GRM7: variants seen among roughly 807,000 people sequenced by gnomAD.
GRM7 encodes glutamate metabotropic receptor 7, also known as metabotropic glutamate receptor 7.
GRM7 carries 35 observed loss-of-function variants against 84.5 expected under a neutral mutation model. The observed-to-expected ratio is 0.41, with a 90% CI of 0.32 to 0.55. GRM7 has a LOEUF of 0.55. Among genes scored for constraint, GRM7 ranks in the 20% least tolerant of loss-of-function variants. GRM7 has a pLI of 0.19. For missense variants in GRM7, 1,003 were observed against 1,194.6 expected, an observed-to-expected ratio of 0.84 and a Z score of 2.36; for synonymous variants, 487 against 455.1, an observed-to-expected ratio of 1.07 and a Z score of -0.89.
chr3:7,100,402 T>A (rs1046153907), intron 1 of GRM7, among the ~76,000 whole-genome samples: 10 of 151,704 alleles, frequency 6.6e-5, no homozygotes, highest in African/African-American at 1.2e-4. Flanking sequence ...GGCTAACTTA[T>A]TTTTTCCTCC....
chr3:7,593,317 A>G (rs1695880154), intron 8 of GRM7, among the ~76,000 whole-genome samples: 1 of 152,128 alleles, frequency 6.6e-6, no homozygotes, highest in Admixed American at 6.6e-5. Flanking sequence ...CCAGTTTCAA[A>G]CATTTATTGA....
At chr3:6,932,016 A>G (rs1193252855) in intron 1 of GRM7, among the ~76,000 whole-genome samples, 1 of 152,236 alleles carries the variant, frequency 6.6e-6, no homozygotes, top group African/African-American at 2.4e-5. Context: ...GTGTAGAGAT[A>G]GCATCACAGA....
At chr3:7,293,034 C>CA (rs142561309) in intron 2 of GRM7, among the ~76,000 whole-genome samples, 60,616 of 120,502 alleles carry the variant, frequency 0.5, 15,573 homozygotes, top group African/African-American at 0.73. Context: ...GACTTGGTCT[C>CA]AAAAAAAAAA....
In GRM7 at chr3:6,862,111, G is replaced by A. The variant is rs550624859; in HGVS notation, c.519+204G>A. 3.3e-5 allele frequency among the ~76,000 whole-genome samples: 5 copies of A among 151,986 alleles called. No homozygotes were observed. Among genetic ancestry groups the A allele is most frequent in the African/African-American group, 1.2e-4 (5 of 41,458 alleles). ...TCCCTTCCATCTCTCCCCTGTCCAC[G>A]CTCCACTCCATCCGGCTTGACATCT... On this transcript the variant is annotated intron_variant, in intron 1 of 9. Transcript: ENST00000357716. This position sits in a 1 kb window ranked among gnomAD's most constrained non-coding sequence, Gnocchi z 5.2.
At chr3:7,214,934 A>T (rs1436018029) in intron 2 of GRM7, among the ~76,000 whole-genome samples, 1 of 152,192 alleles carries the variant, frequency 6.6e-6, no homozygotes, top group Non-Finnish European at 1.5e-5. Context: ...ATTTAGAAAG[A>T]CCTAAAAACC....
chr3:7,392,859 T>A (rs1695054652), intron 4 of GRM7, among the ~76,000 whole-genome samples: 1 of 152,160 alleles, frequency 6.6e-6, no homozygotes, highest in African/African-American at 2.4e-5. Flanking sequence ...TGCATCTTAG[T>A]CTCACCACAG....
At chr3:7,618,566 T>C (rs1697216747) in intron 8 of GRM7, among the ~76,000 whole-genome samples, 1 of 152,168 alleles carries the variant, frequency 6.6e-6, no homozygotes, top group African/African-American at 2.4e-5. Flanking sequence ...TGTTGCCATT[T>C]GTGACTTTAA....
chr3:7,597,742 C>T (rs1466806560), intron 8 of GRM7, among the ~76,000 whole-genome samples: 1 of 151,986 alleles, frequency 6.6e-6, no homozygotes, highest in African/African-American at 2.4e-5. Flanking sequence ...TTTGCTAGGA[C>T]CATGGATGAC....
At chr3:7,425,209 C>T (rs953591937) in intron 5 of GRM7, among the ~76,000 whole-genome samples, 4 of 152,100 alleles carry the variant, frequency 2.6e-5, no homozygotes, top group Non-Finnish European at 4.4e-5. Context: ...CCTTTTGGTC[C>T]GCACTGATAA....
At chr3:7,390,368 T>G (rs1452746534) in intron 4 of GRM7, among the ~76,000 whole-genome samples, 1 of 152,166 alleles carries the variant, frequency 6.6e-6, no homozygotes, top group Non-Finnish European at 1.5e-5. Flanking sequence ...GTTCTCTGGA[T>G]ATTTTATATC....
intron 1 of GRM7, among the ~76,000 whole-genome samples, chr3:6,901,929 G>T (rs1326672812): frequency 1.3e-5 from 2 of 151,638 alleles, no homozygotes; most frequent in East Asian, 1.9e-4. Flanking sequence ...ATACATTTTT[G>T]TATGTTTTTA....
intron 2 of GRM7, among the ~76,000 whole-genome samples, chr3:7,238,730 TTTTC>T (rs1213563065): frequency 6.6e-6 from 1 of 150,952 alleles, no homozygotes; most frequent in Non-Finnish European, 1.5e-5. Context: ...CTTTCTATTC[TTTTC>T]TTTTTTTTCT....
intron 1 of GRM7, among the ~76,000 whole-genome samples, chr3:6,910,425 T>C (rs1243230850): frequency 6.6e-6 from 1 of 152,108 alleles, no homozygotes; most frequent in Non-Finnish European, 1.5e-5. Context: ...TCTTGGAATG[T>C]TGGTGTCTTA....
chr3:6,861,573 C>T lies in GRM7; in HGVS notation c.185C>T (p.Pro62Leu), dbSNP rs762468177. Residue 62 changes from proline to leucine, a missense_variant, in exon 1 of 10, where the codon CCC (proline) becomes CTC (leucine). Around this residue, in one of 2 missense-constraint regions of GRM7, gnomAD observed 910 missense variants for 1,126.0 expected, o/e 0.81. Transcript: ENST00000357716. This position sits in a 1 kb window ranked among gnomAD's most constrained non-coding sequence, Gnocchi z 6.4. ...GGLFPVHAKG[P>L]SGVPCGDIKR... ...CTGTTCCCCGTGCACGCCAAGGGTCCCAGCGGAGTGCCCTGCGGCGACATC... is the reference window on the plus strand; with the variant it reads ...CTGTTCCCCGTGCACGCCAAGGGTCTCAGCGGAGTGCCCTGCGGCGACATC... 24 of 1,604,206 alleles carry T rather than the reference C, an allele frequency of 1.5e-5. No homozygotes were observed. In the Middle Eastern group the frequency reaches 1.5e-3, roughly 100 times the overall value.
chr3:7,144,119 G>C (rs1282628439), intron 1 of GRM7, among the ~76,000 whole-genome samples: 1 of 152,140 alleles, frequency 6.6e-6, no homozygotes, highest in Non-Finnish European at 1.5e-5. Flanking sequence ...GATGTGAACA[G>C]AAGTCAGCCT....
At chr3:7,661,827 A>AAAG (rs1699466677) in intron 8 of GRM7, among the ~76,000 whole-genome samples, 1 of 139,506 alleles carries the variant, frequency 7.2e-6, no homozygotes, top group Non-Finnish European at 1.6e-5. Context: ...AAAATGTAAA[A>AAAG]TGCTACTATC....
At chr3:7,068,568 A>G (rs1214846412) in intron 1 of GRM7, among the ~76,000 whole-genome samples, 4 of 151,986 alleles carry the variant, frequency 2.6e-5, no homozygotes, top group Admixed American at 2.0e-4. Context: ...ACTGTGGTTG[A>G]TTTCCACTGG....
At position 7,476,363 on chromosome 3, in the gene GRM7, T is replaced by C. The variant is rs145021956; in HGVS notation, c.1515+14641T>C. Among the ~76,000 whole-genome samples, 630 of 152,118 alleles carry C rather than the reference T, an allele frequency of 4.1e-3. 4 individuals carry two copies. Among genetic ancestry groups the C allele is most frequent in the African/African-American group, 0.014 (601 of 41,498 alleles). On this transcript the variant is annotated intron_variant, in intron 7 of 9. Coordinates refer to ENST00000357716, the MANE Select transcript of GRM7 (RefSeq NM_000844.4). ...GAGATCAAGACCATCCTGGCTAACATGATGAAAACCCGTCTCTACTAAAAA... is the reference window on the plus strand; with the variant it reads ...GAGATCAAGACCATCCTGGCTAACACGATGAAAACCCGTCTCTACTAAAAA...
At chr3:7,513,188 T>C (rs1216529589) in intron 7 of GRM7, among the ~76,000 whole-genome samples, 1 of 152,188 alleles carries the variant, frequency 6.6e-6, no homozygotes, top group African/African-American at 2.4e-5. Context: ...TCTAGGACTA[T>C]GCAGTTAGTA....
Sources: allele counts gnomAD v4.1 joint callset (sites outside exome capture counted in the v4.1 genomes callset), GRCh38; gene constraint gnomAD v4.1.1; regional missense constraint gnomAD v4.1.1; non-coding constraint Gnocchi (gnomAD v3.1); transcripts MANE v1.5; gene names NCBI Gene and HGNC (gene_info 2026-07-23, HGNC 2026-07-21).